The following IGDCC4 variants were observed in gnomAD, a reference collection of about 807,000 sequenced individuals.
IGDCC4 encodes the protein likely ortholog of mouse neighbor of Punc E11.
Under a neutral mutation model 116.6 loss-of-function variants are expected in IGDCC4, and 72 were observed. That is an observed-to-expected ratio of 0.62 (90% confidence interval 0.51 to 0.75). The LOEUF (loss-of-function observed/expected upper bound fraction) is 0.75, where lower values mean the gene tolerates loss of function less well. Among genes scored for constraint, IGDCC4 ranks in the 30% least tolerant of loss-of-function variants. The probability of loss-of-function intolerance (pLI) is 0.00; values close to 1 mark genes in which losing one functional copy is unlikely to be tolerated. For missense variants in IGDCC4, 1,501 were observed against 1,662.4 expected (o/e 0.90, Z 1.69); for synonymous variants, 709 against 719.9 (o/e 0.98, Z 0.24).
chr15:65,410,743 G>T (rs537254885), intron 2 of IGDCC4: 24 of 496,820 alleles, frequency 4.8e-5, no homozygotes, highest in South Asian at 2.0e-4. Flanking sequence ...ACTCTGGCAG[G>T]CTCCCTGGAG....
intron 12 of IGDCC4, among the ~76,000 whole-genome samples, chr15:65,391,182 A>C (rs1412844435): frequency 2.6e-5 from 4 of 152,190 alleles, no homozygotes; most frequent in African/African-American, 4.8e-5. Flanking sequence ...GTGAGCTGAG[A>C]TCATACCATT....
chr15:65,394,296 C>T, intron 9 of IGDCC4, 115 bp downstream of exon 9: 13 of 1,520,138 alleles, frequency 8.6e-6, no homozygotes, highest in Non-Finnish European at 1.1e-5. Context: ...TCCCCAACCC[C>T]TACTCTGCTT....
chr15:65,405,332 T>A (rs936584752), intron 3 of IGDCC4, among the ~76,000 whole-genome samples: 12 of 150,044 alleles, frequency 8.0e-5, no homozygotes, highest in African/African-American at 3.0e-4. Flanking sequence ...GCAATTAATA[T>A]GTATCAGTTA....
intron 1 of IGDCC4, among the ~76,000 whole-genome samples, chr15:65,419,059 C>G (rs2063167947): frequency 1.3e-5 from 2 of 151,884 alleles, no homozygotes; most frequent in Admixed American, 6.6e-5. Context: ...TTTTCTTTCT[C>G]TTTCTTCTTT....
chr15:65,393,838 T>C lies in IGDCC4; in HGVS notation c.1715-307A>G, dbSNP rs928794182. 6.6e-6 allele frequency among the ~76,000 whole-genome samples: 1 copy of C among 152,154 alleles called. No homozygotes were observed. Among genetic ancestry groups the C allele is most frequent in the Admixed American group, 6.5e-5 (1 of 15,282 alleles). On this transcript the variant is annotated intron_variant, in intron 9 of 19. Transcript: ENST00000352385. The surrounding 1 kb of genome is among the most constrained non-coding windows in gnomAD (Gnocchi z 4.6). ...CCTGCCAACACACACACACACGGGA[T>C]GCAGACACAAGAGGCTGACCATGAA...
At chr15:65,396,730 G>T in intron 6 of IGDCC4, 104 bp downstream of exon 6, 1 of 1,416,438 alleles carries the variant, frequency 7.1e-7, no homozygotes, top group Non-Finnish European at 9.5e-7. Flanking sequence ...CGTCCTCCAG[G>T]AGAGCGCCTG....
Position 65,386,280 on chromosome 15 carries a change from G to GC in IGDCC4, c.2952-222dup, listed in dbSNP as rs1190668436. Reference sequence around the variant, plus strand: ...GGCTGCAGGCATCTGGAGATTTGGGGCCCCTCTTTCCAAGATGCTGGCAGC... The same window carrying GC: ...GGCTGCAGGCATCTGGAGATTTGGGGCCCCCTCTTTCCAAGATGCTGGCAGC... On this transcript the variant is annotated intron_variant, in intron 17 of 19. Coordinates refer to ENST00000352385, the MANE Select transcript of IGDCC4 (RefSeq NM_020962.3). Among the ~76,000 whole-genome samples, 37 of 152,200 alleles carry GC rather than the reference G, an allele frequency of 2.4e-4. 1 individual carries two copies. Among genetic ancestry groups the GC allele is most frequent in the Admixed American group, 2.4e-3 (37 of 15,292 alleles).
In IGDCC4 at chr15:65,385,844, T is replaced by G; in HGVS notation, c.3167A>C (p.His1056Pro). Residue 1056 changes from histidine (H) to proline (P), a missense_variant, in exon 18 of 20, where the codon CAC becomes CCC. Physicochemically the swap from His to Pro is moderately conservative, Grantham distance 77. Transcript: ENST00000352385. Reference sequence around the variant, plus strand: ...GCTCTGACTTACCTTTCTTTTGGAGTGACTCCGGCCTTCAGAAACACCGCC... The same window carrying G: ...GCTCTGACTTACCTTTCTTTTGGAGGGACTCCGGCCTTCAGAAACACCGCC... ...MGGGVSEGRSHSKRKISWAQP... is the reference protein window; with the variant it reads ...MGGGVSEGRSPSKRKISWAQP... The G allele has an allele frequency of 6.2e-7, 1 of 1,612,278 alleles. No individual in the cohort carries two copies. The highest frequency in any genetic ancestry group is 8.5e-7 in the Non-Finnish European group (1 of 1,179,806).
In IGDCC4 at chr15:65,411,267, G is replaced by A; in HGVS notation, c.174C>T (p.Ser58=). 1.2e-6 allele frequency: 2 copies of A among 1,614,042 alleles called. No individual in the cohort carries two copies. Among genetic ancestry groups the A allele is most frequent in the Non-Finnish European group, 1.7e-6 (2 of 1,180,002 alleles). ...GPEQAAVLNC[S]LGAAAAGPPT... ...GGGGTCCAGCGGCAGCAGCCCCCAGGCTACAGTTTAGCACTGCAGCCTGCT... is the reference window on the plus strand; with the variant it reads ...GGGGTCCAGCGGCAGCAGCCCCCAGACTACAGTTTAGCACTGCAGCCTGCT... The change falls in exon 2 of 20, where the codon AGC becomes AGT. Residue 58 remains serine (S), a synonymous_variant. Coordinates refer to ENST00000352385, the MANE Select transcript of IGDCC4 (RefSeq NM_020962.3).
intron 4 of IGDCC4, 121 bp from the exon 5 acceptor site, chr15:65,401,067 GTCAGATGGGGGACGTAGCCATAAAA>G: frequency 1.6e-6 from 2 of 1,255,398 alleles, no homozygotes; most frequent in South Asian, 2.6e-5. Context: ...GATTCCATCT[GTCAGATGGGGGACGTAGCCATAAAA>G]TTCAGCAGGG....
Position 65,385,841 on chromosome 15 carries a change from G to T in IGDCC4, c.3170C>A (p.Ser1057Tyr). The T allele has an allele frequency of 1.9e-6, 3 of 1,612,168 alleles. No homozygotes were observed. Among genetic ancestry groups the T allele is most frequent in the Non-Finnish European group, 2.5e-6 (3 of 1,179,658 alleles). Reference protein sequence around the residue: ...GGGVSEGRSHSKRKISWAQPS... With the variant: ...GGGVSEGRSHYKRKISWAQPS... The stretch of plus-strand genomic sequence containing the variant: ...GGGGCTCTGACTTACCTTTCTTTTG[G>T]AGTGACTCCGGCCTTCAGAAACACC... Residue 1057 changes from serine to tyrosine, a missense_variant, in exon 18 of 20, where the codon TCC (serine) becomes TAC (tyrosine). By Grantham distance (144) the Ser-to-Tyr change is moderately radical (BLOSUM62 -2). Transcript: ENST00000352385.
chr15:65,422,670 C>T, intron 1 of IGDCC4, 123 bp downstream of exon 1: 2 of 748,236 alleles, frequency 2.7e-6, no homozygotes, highest in Non-Finnish European at 1.8e-6. Context: ...GGCACCTGGA[C>T]GCGCAGCCCC....
chr15:65,407,719 C>T (rs990234179), intron 3 of IGDCC4, among the ~76,000 whole-genome samples: 9 of 146,660 alleles, frequency 6.1e-5, no homozygotes, highest in East Asian at 4.0e-4. Context: ...CTCCACCTCC[C>T]GGGTTCAAGT....
At chr15:65,412,063 A>T (rs899410109) in intron 1 of IGDCC4, among the ~76,000 whole-genome samples, 3 of 152,134 alleles carry the variant, frequency 2.0e-5, no homozygotes, top group Admixed American at 6.5e-5. Context: ...CAGATAATTT[A>T]AAAAGTTAGC....
Position 65,384,125 on chromosome 15 carries a change from G to C in IGDCC4, c.3637C>G (p.Leu1213Val). 1 of 1,613,440 alleles carries C rather than the reference G, an allele frequency of 6.2e-7. No homozygotes were observed. Among genetic ancestry groups the C allele is most frequent in the East Asian group, 2.2e-5 (1 of 44,830 alleles). ...AASASCSYPD[L>V]QPGEVLEETP... ...TCCTCTAGCACCTCGCCTGGCTGGA[G>C]GTCCGGGTAGGAGCAGGAAGCACTG... is the stretch of plus-strand genomic sequence containing the variant. The change falls in exon 20 of 20, where the codon CTC becomes GTC. Residue 1213 changes from leucine (L) to valine (V), a missense_variant. Coordinates refer to ENST00000352385, the MANE Select transcript of IGDCC4 (RefSeq NM_020962.3). The surrounding 1 kb of genome is among the most constrained non-coding windows in gnomAD (Gnocchi z 4.9).
intron 14 of IGDCC4, 47 bp downstream of exon 14, chr15:65,389,237 A>T (rs2091489926): frequency 6.2e-7 from 1 of 1,600,834 alleles, no homozygotes; most frequent in African/African-American, 1.3e-5. Context: ...GGCAAGAAGG[A>T]GTTGGGCAAA....
intron 6 of IGDCC4, chr15:65,396,486 C>G (rs1550028): frequency 0.41 from 230,217 of 563,572 alleles, 50,111 homozygotes; most frequent in East Asian, 0.68. Context: ...CCTGCCCTCC[C>G]ATATGTCCCA....
intron 4 of IGDCC4, among the ~76,000 whole-genome samples, chr15:65,401,709 C>A (rs943140127): frequency 2.0e-5 from 3 of 152,134 alleles, no homozygotes; most frequent in African/African-American, 4.8e-5. Flanking sequence ...AGGTGCCAGG[C>A]ACTTTCCATT....
At chr15:65,404,114 C>T (rs2063018132) in intron 3 of IGDCC4, among the ~76,000 whole-genome samples, 1 of 152,112 alleles carries the variant, frequency 6.6e-6, no homozygotes. Context: ...AAAATCTAAA[C>T]ATGGAACAGG....
Sources: gnomAD v4.1 joint callset for allele counts (sites outside exome capture counted in the v4.1 genomes callset) on GRCh38, gnomAD v4.1.1 for gene constraint, Gnocchi (gnomAD v3.1) non-coding constraint, MANE v1.5 for transcripts, NCBI Gene and HGNC (gene_info 2026-07-23, HGNC 2026-07-21) for gene names.